Variants in TRIM49 observed in about 807,000 individuals in gnomAD.
TRIM49 encodes the protein tripartite motif containing 49, also known as tripartite motif-containing protein 49.
A neutral mutation model predicts 27.4 loss-of-function variants in TRIM49; 5 were observed. That is an observed-to-expected ratio of 0.18 (90% CI 0.10 to 0.38). TRIM49 has a LOEUF of 0.38. TRIM49 is among the 10% of genes least tolerant of loss of function. The pLI, the probability that TRIM49 is intolerant of heterozygous loss-of-function variation, is 1.00. For synonymous variants in TRIM49, 69 were observed against 166.0 expected (o/e 0.42, Z 4.49); for missense variants, 188 against 487.5 (o/e 0.39, Z 5.79).
downstream of TRIM49, among the ~76,000 whole-genome samples, chr11:89,793,006 A>G (rs1471626744): frequency 2.6e-5 from 4 of 152,108 alleles, no homozygotes; most frequent in African/African-American, 9.7e-5. Flanking sequence ...AGCAAGACTA[A>G]TAAAGAAGAA....
chr11:89,768,796 T>C, the TRIM49 span: 1 of 505,740 alleles, frequency 2.0e-6, no homozygotes, highest in Non-Finnish European at 3.9e-6. Flanking sequence ...CAGCTTGCAT[T>C]GATGGCCATT....
At chr11:89,803,976 G>T in intron 3 of TRIM49, 83 bp downstream of exon 3, 2 of 1,611,512 alleles carry the variant, frequency 1.2e-6, no homozygotes, top group East Asian at 2.2e-5. Flanking sequence ...CTCAGAGTTG[G>T]CTTTATCCAA....
chr11:89,792,916 G>A (rs1177920787), downstream of TRIM49, among the ~76,000 whole-genome samples: 9 of 152,148 alleles, frequency 5.9e-5, no homozygotes, highest in South Asian at 2.1e-4. Context: ...GAAGGAGATA[G>A]AGACACAATG....
At chr11:89,796,942 C>T (rs2134630545), downstream of TRIM49, among the ~76,000 whole-genome samples, 1 of 150,096 alleles carries the variant, frequency 6.7e-6, no homozygotes, top group African/African-American at 2.4e-5. Context: ...AATATCTAGC[C>T]CATAAGAAAT....
At chr11:89,787,462 GC>G in the TRIM49 span, 1 of 406,874 alleles carries the variant, frequency 2.5e-6, no homozygotes, top group South Asian at 3.2e-5. Context: ...AGCACAAGCG[GC>G]CTGGCCTAGA....
downstream of TRIM49, among the ~76,000 whole-genome samples, chr11:89,796,553 A>G (rs1338885773): frequency 1.4e-5 from 2 of 144,796 alleles, no homozygotes; most frequent in Non-Finnish European, 3.0e-5. Context: ...TTATTCTACT[A>G]CCTTATGCAT....
At chr11:89,775,853 C>T in the TRIM49 span, among the ~76,000 whole-genome samples, 1 of 149,908 alleles carries the variant, frequency 6.7e-6, no homozygotes, top group Non-Finnish European at 1.5e-5. Context: ...TAGATAAAAG[C>T]TACTTTATTT....
At chr11:89,797,184 G>C (rs1565444780), downstream of TRIM49, among the ~76,000 whole-genome samples, 1 of 151,038 alleles carries the variant, frequency 6.6e-6, no homozygotes, top group Admixed American at 6.6e-5. Context: ...ATTCTGTAAA[G>C]TGTCTGTTCA....
chr11:89,805,706 G>A, intron 2 of TRIM49, among the ~76,000 whole-genome samples: 1 of 141,866 alleles, frequency 7.0e-6, no homozygotes. Context: ...TGTGTCAGGT[G>A]TTTTTAGTTT....
intron 2 of TRIM49, among the ~76,000 whole-genome samples, chr11:89,806,282 A>C (rs1949789098): frequency 6.6e-6 from 1 of 150,916 alleles, no homozygotes; most frequent in Non-Finnish European, 1.5e-5. Flanking sequence ...TTTGTGGCTG[A>C]CTCAAATGGC....
chr11:89,793,299 G>C (rs539588216), downstream of TRIM49, among the ~76,000 whole-genome samples: 104 of 152,180 alleles, frequency 6.8e-4, 1 homozygote, highest in South Asian at 0.021. Flanking sequence ...ACTTCTACTA[G>C]AGGTACAAGG....
At chr11:89,776,955 C>A in the TRIM49 span, 1 of 1,298,870 alleles carries the variant, frequency 7.7e-7, no homozygotes, top group Non-Finnish European at 1.0e-6. Flanking sequence ...GAAATTCTCA[C>A]TTTTTTTTTT....
intron 6 of TRIM49, among the ~76,000 whole-genome samples, chr11:89,800,515 G>A (rs1276714544): frequency 4.6e-5 from 7 of 151,280 alleles, no homozygotes; most frequent in Non-Finnish European, 1.0e-4. Context: ...AGGCCGAGGC[G>A]GGCGGATCAC....
intron 2 of TRIM49, among the ~76,000 whole-genome samples, chr11:89,805,646 T>C (rs1007298059): frequency 6.6e-6 from 1 of 151,096 alleles, no homozygotes; most frequent in Non-Finnish European, 1.5e-5. Flanking sequence ...ATGAATTCTG[T>C]CCCATGTAGA....
chr11:89,768,357 T>C, the TRIM49 span: 3 of 1,181,214 alleles, frequency 2.5e-6, no homozygotes, highest in African/African-American at 2.2e-5. Context: ...CAACAGAAAA[T>C]GCTTCATTCA....
At chr11:89,793,882 G>T (rs1437226384), downstream of TRIM49, among the ~76,000 whole-genome samples, 1 of 151,880 alleles carries the variant, frequency 6.6e-6, no homozygotes, top group African/African-American at 2.4e-5. Flanking sequence ...TGGAAGTTCT[G>T]GCCAGGGCAA....
the TRIM49 span, among the ~76,000 whole-genome samples, chr11:89,769,264 C>A: frequency 1.5e-5 from 2 of 132,266 alleles, no homozygotes; most frequent in African/African-American, 3.7e-5. Flanking sequence ...TTAGAATTAC[C>A]ACATACTATC....
At chr11:89,767,840 A>G in the TRIM49 span, among the ~76,000 whole-genome samples, 2 of 136,228 alleles carry the variant, frequency 1.5e-5, no homozygotes, top group Non-Finnish European at 3.0e-5. Flanking sequence ...TCAGTCATTA[A>G]CTGCACTGAA....
At chr11:89,777,104 G>T in the TRIM49 span, 2 of 1,550,334 alleles carry the variant, frequency 1.3e-6, no homozygotes, top group Non-Finnish European at 8.7e-7. Context: ...CTCTGCCTCT[G>T]CTCAGAAGAA....
Sources: gnomAD v4.1 joint callset for allele counts (sites outside exome capture counted in the v4.1 genomes callset) on GRCh38, gnomAD v4.1.1 for gene constraint, MANE v1.5 for transcripts, NCBI Gene and HGNC (gene_info 2026-07-23, HGNC 2026-07-21) for gene names.